The following BACH2 variants were observed in gnomAD, a reference collection of about 807,000 sequenced individuals.
BACH2 encodes the protein BACH transcriptional regulator 2.
Under a neutral mutation model 61.8 loss-of-function variants are expected in BACH2, and 5 were observed. The observed-to-expected ratio is 0.08, with a 90% CI of 0.04 to 0.17. The LOEUF (loss-of-function observed/expected upper bound fraction) is 0.17. Among genes scored for constraint, BACH2 ranks in the 10% least tolerant of loss-of-function variants. The pLI is 1.00. For synonymous variants in BACH2, 446 were observed against 440.1 expected, an observed-to-expected ratio of 1.01 and a Z score of -0.17; for missense variants, 824 against 1,091.1, an observed-to-expected ratio of 0.76 and a Z score of 3.45.
chr6:90,109,016 G>A (rs1287409034), intron 4 of BACH2, among the ~76,000 whole-genome samples: 1 of 152,060 alleles, frequency 6.6e-6, no homozygotes, highest in Non-Finnish European at 1.5e-5. Context: ...ATTTCCACTG[G>A]CATATCTTAA....
intron 5 of BACH2, among the ~76,000 whole-genome samples, chr6:90,037,782 TA>T: frequency 6.6e-6 from 1 of 152,176 alleles, no homozygotes; most frequent in Admixed American, 6.5e-5. Context: ...CAGATGTAAT[TA>T]GTTAAGATGG....
At chr6:90,197,178 G>A (rs916906833) in intron 4 of BACH2, among the ~76,000 whole-genome samples, 2 of 152,118 alleles carry the variant, frequency 1.3e-5, no homozygotes, top group South Asian at 2.1e-4. Flanking sequence ...AGGACAATAG[G>A]AAGCTGGGAA....
chr6:90,106,821 A>G (rs540355803), intron 4 of BACH2, among the ~76,000 whole-genome samples: 1 of 152,352 alleles, frequency 6.6e-6, no homozygotes, highest in South Asian at 2.1e-4. Flanking sequence ...GTTCTCTCTC[A>G]GGCCAATCTG....
intron 4 of BACH2, among the ~76,000 whole-genome samples, chr6:90,166,113 T>G (rs1430974619): frequency 1.3e-5 from 2 of 151,866 alleles, no homozygotes; most frequent in Non-Finnish European, 2.9e-5. Context: ...ACCATCAGAG[T>G]GAACAGGCAA....
chr6:90,134,990 G>A (rs1052509038), intron 4 of BACH2, among the ~76,000 whole-genome samples: 1 of 152,158 alleles, frequency 6.6e-6, no homozygotes, highest in Non-Finnish European at 1.5e-5. Flanking sequence ...CTTAGCAGTG[G>A]CCCTGAGATT....
intron 4 of BACH2, among the ~76,000 whole-genome samples, chr6:90,189,538 G>A (rs1164786339): frequency 6.7e-6 from 1 of 149,898 alleles, no homozygotes; most frequent in African/African-American, 2.5e-5. Flanking sequence ...AACCCGGGAA[G>A]CGGAGCTTGC....
intron 4 of BACH2, among the ~76,000 whole-genome samples, chr6:90,091,784 C>G (rs1220125066): frequency 6.6e-6 from 1 of 152,060 alleles, no homozygotes; most frequent in Non-Finnish European, 1.5e-5. Context: ...TTAAATTGAT[C>G]TTTCCCAACA....
chr6:90,080,303 C>T (rs1203711782), intron 5 of BACH2, among the ~76,000 whole-genome samples: 1 of 152,038 alleles, frequency 6.6e-6, no homozygotes, highest in Admixed American at 6.6e-5. Flanking sequence ...GCGGTGGCAC[C>T]ACGCTTACCA....
chr6:90,044,116 C>A (rs573893857), intron 5 of BACH2, among the ~76,000 whole-genome samples: 1 of 152,138 alleles, frequency 6.6e-6, no homozygotes, highest in East Asian at 1.9e-4. Context: ...GCCTTCATTC[C>A]ATTGGAGAAA....
chr6:90,207,744 A>G (rs1280209390), intron 3 of BACH2, among the ~76,000 whole-genome samples: 2 of 152,188 alleles, frequency 1.3e-5, no homozygotes, highest in Non-Finnish European at 2.9e-5. Context: ...AAAGGTACTT[A>G]TAACCCCACA....
At position 90,015,306 on chromosome 6, in the gene BACH2, T is replaced by C. The variant is rs1035318296; in HGVS notation, c.-12-6450A>G. On this transcript the variant is annotated intron_variant, in intron 5 of 8. Transcript: ENST00000257749. ...TCTATTCTCATTGTTATATCCTTTA[T>C]TTTGCTTACTTTGGGTTTAATTGGG... 5.3e-5 allele frequency among the ~76,000 whole-genome samples: 8 copies of C among 152,276 alleles called. 1 individual carries two copies. The highest frequency in any genetic ancestry group is 1.3e-4 in the Admixed American group (2 of 15,306).
rs633833 is a variant in BACH2 at position 90,258,251 on chromosome 6, C to A, written c.-352-5661G>T. Among the ~76,000 whole-genome samples, 1,052 of 152,144 alleles carry A rather than the reference C, an allele frequency of 6.9e-3. 14 individuals carry two copies. Among genetic ancestry groups the A allele is most frequent in the African/African-American group, 0.024 (988 of 41,492 alleles). The stretch of plus-strand genomic sequence containing the variant: ...TGAGTTGATTTTTGTATGTGGTATA[C>A]GATAACAGTCCAATTCCATTCTTTT... On this transcript the variant is annotated intron_variant, in intron 2 of 8. Coordinates refer to ENST00000257749, the MANE Select transcript of BACH2 (RefSeq NM_021813.4).
rs76875594 is a variant in BACH2 at position 90,062,568 on chromosome 6, T to G, written c.-13+26393A>C. 9.3e-3 allele frequency among the ~76,000 whole-genome samples: 1,410 copies of G among 152,302 alleles called. 15 individuals are homozygous for G. The highest frequency in any genetic ancestry group is 0.031 in the African/African-American group (1,273 of 41,560). On this transcript the variant is annotated intron_variant, in intron 5 of 8. Coordinates refer to ENST00000257749, the MANE Select transcript of BACH2 (RefSeq NM_021813.4). ...TAGCACAAATAGCAATTTCCTCTTG[T>G]TTTGTGATTAATGGTCATAGGATAC...
intron 2 of BACH2, among the ~76,000 whole-genome samples, chr6:90,267,923 A>C (rs963270463): frequency 5.3e-5 from 8 of 152,108 alleles, no homozygotes; most frequent in African/African-American, 1.9e-4. Context: ...TATTCACCTA[A>C]ATATTATTTT....
At chr6:90,006,606 C>T (rs1777419113) in intron 6 of BACH2, among the ~76,000 whole-genome samples, 1 of 152,118 alleles carries the variant, frequency 6.6e-6, no homozygotes, top group South Asian at 2.1e-4. Flanking sequence ...AGTGCTTATG[C>T]AGTCCTTATT....
At chr6:90,111,095 A>G (rs150968287) in intron 4 of BACH2, among the ~76,000 whole-genome samples, 203 of 152,300 alleles carry the variant, frequency 1.3e-3, no homozygotes, top group African/African-American at 4.7e-3. Context: ...ACATTTCACT[A>G]GCAGTGCACG....
intron 5 of BACH2, among the ~76,000 whole-genome samples, chr6:90,030,724 C>T (rs1778928880): frequency 1.3e-5 from 2 of 151,856 alleles, no homozygotes; most frequent in South Asian, 2.1e-4. Flanking sequence ...AGCTTACCAA[C>T]CAAAAAAAGT....
chr6:89,981,362 C>A (rs533030209), intron 6 of BACH2, among the ~76,000 whole-genome samples: 1 of 151,872 alleles, frequency 6.6e-6, no homozygotes, highest in Non-Finnish European at 1.5e-5. Flanking sequence ...AGGATGGTAT[C>A]GATCTCCTGA....
chr6:90,010,221 G>C (rs1292233447), intron 5 of BACH2, among the ~76,000 whole-genome samples: 1 of 152,086 alleles, frequency 6.6e-6, no homozygotes, highest in Admixed American at 6.5e-5. Flanking sequence ...ATCACCAAAA[G>C]TCTCCTTAAG....
Sources: gnomAD v4.1 joint callset for allele counts (sites outside exome capture counted in the v4.1 genomes callset) on GRCh38, gnomAD v4.1.1 for gene constraint, MANE v1.5 for transcripts, NCBI Gene and HGNC (gene_info 2026-07-23, HGNC 2026-07-21) for gene names.